JAK1: variants seen among roughly 807,000 people sequenced by gnomAD.
JAK1 encodes Janus kinase 1, also known as tyrosine-protein kinase JAK1.
JAK1 carries 16 observed loss-of-function variants against 136.6 expected under a neutral mutation model. The ratio of observed to expected loss-of-function variants is 0.12; its 90% CI spans 0.08 to 0.18. The LOEUF (loss-of-function observed/expected upper bound fraction) is 0.18, where lower values mean the gene tolerates loss of function less well. Ranked by LOEUF, JAK1 falls within the 10% of genes least tolerant of loss-of-function variation. JAK1 has a pLI of 1.00. For synonymous variants in JAK1, 492 were observed against 519.5 expected (o/e 0.95, Z 0.72); for missense variants, 859 against 1,450.1 (o/e 0.59, Z 6.62).
At chr1:65,062,829 C>CTTGA (rs142350431) in intron 1 of JAK1, among the ~76,000 whole-genome samples, 2 of 152,178 alleles carry the variant, frequency 1.3e-5, no homozygotes, top group Non-Finnish European at 2.9e-5. Flanking sequence ...TCAACAGATA[C>CTTGA]TTGATTGATT....
At chr1:65,022,285 G>A (rs562100079) in intron 2 of JAK1, among the ~76,000 whole-genome samples, 1 of 152,240 alleles carries the variant, frequency 6.6e-6, no homozygotes, top group East Asian at 1.9e-4. Context: ...TCTCTCAAAG[G>A]AGCCCACATT....
intron 20 of JAK1, among the ~76,000 whole-genome samples, chr1:64,839,038 C>A (rs372421648): frequency 6.8e-6 from 1 of 147,024 alleles, no homozygotes; most frequent in African/African-American, 2.5e-5. Context: ...CCCAGCTACT[C>A]GGGAGGCTGA....
chr1:64,999,825 A>T (rs1388164461), intron 2 of JAK1, among the ~76,000 whole-genome samples: 1 of 151,644 alleles, frequency 6.6e-6, no homozygotes, highest in East Asian at 1.9e-4. Flanking sequence ...CTCTAACAGT[A>T]TCTACGGCAC....
At chr1:64,840,453 A>G (rs1218931952) in intron 19 of JAK1, among the ~76,000 whole-genome samples, 1 of 152,188 alleles carries the variant, frequency 6.6e-6, no homozygotes, top group Non-Finnish European at 1.5e-5. Flanking sequence ...CTCTAGTCAC[A>G]ATTAACTGTT....
In JAK1 at chr1:64,869,397, G is replaced by A. The variant is rs777770696; in HGVS notation, c.561C>T (p.Asn187=). 9.7e-5 allele frequency: 156 copies of A among 1,613,650 alleles called. 1 individual carries two copies. Among genetic ancestry groups the A allele is most frequent in the Non-Finnish European group, 1.2e-4 (140 of 1,179,732 alleles). Residue 187 remains asparagine, a synonymous_variant, in exon 6 of 25, where the codon AAC becomes AAT. Coordinates refer to ENST00000342505, the MANE Select transcript of JAK1 (RefSeq NM_002227.4). ...CCAGGACAGCCATCCCTAGACACTC[G>A]TTCTCAATATCATGTCCATCCTGCT... The part of the protein sequence containing the change: ...KTEQDGHDIE[N]ECLGMAVLAI...
chr1:64,857,399 C>T (rs911041935), intron 10 of JAK1, among the ~76,000 whole-genome samples: 2 of 152,170 alleles, frequency 1.3e-5, no homozygotes, highest in African/African-American at 2.4e-5. Flanking sequence ...TCTTCCAGAG[C>T]CATGGTGGAC....
At chr1:64,860,981 T>TGTG (rs1656294523) in intron 8 of JAK1, among the ~76,000 whole-genome samples, 2 of 130,944 alleles carry the variant, frequency 1.5e-5, no homozygotes, top group African/African-American at 2.9e-5. Context: ...TGTGTGTGTG[T>TGTG]TGGGGGTGAC....
At chr1:65,018,447 A>G (rs1220195328) in intron 2 of JAK1, among the ~76,000 whole-genome samples, 1 of 151,580 alleles carries the variant, frequency 6.6e-6, no homozygotes, top group Non-Finnish European at 1.5e-5. Flanking sequence ...AACTAATGAG[A>G]GACACACATA....
chr1:65,052,609 C>A (rs1055926296), intron 1 of JAK1, among the ~76,000 whole-genome samples: 1 of 151,854 alleles, frequency 6.6e-6, no homozygotes, highest in African/African-American at 2.4e-5. Flanking sequence ...GTCAGGAGAT[C>A]GAGACCATCC....
At chr1:64,971,079 CACTAA>C (rs770696235), upstream of JAK1, among the ~76,000 whole-genome samples, 1 of 152,190 alleles carries the variant, frequency 6.6e-6, no homozygotes. Context: ...TTTTCAACAA[CACTAA>C]ACTAAACTAA....
At chr1:64,876,322 A>G (rs1644666756) in intron 4 of JAK1, 1 of 152,226 alleles carries the variant, frequency 6.6e-6, no homozygotes, top group South Asian at 2.1e-4. Context: ...GCAGAACACA[A>G]TCTTCAATCT....
At chr1:65,051,953 CTGCT>C (rs949831385) in intron 1 of JAK1, among the ~76,000 whole-genome samples, 10 of 152,132 alleles carry the variant, frequency 6.6e-5, no homozygotes, top group East Asian at 1.9e-4. Flanking sequence ...TGTTCCATAC[CTGCT>C]TGCTTATTTG....
intron 1 of JAK1, among the ~76,000 whole-genome samples, chr1:64,901,956 G>A (rs950946322): frequency 1.3e-5 from 2 of 152,104 alleles, no homozygotes; most frequent in Non-Finnish European, 2.9e-5. Context: ...CATTCTTTTT[G>A]TGACCAAATA....
At chr1:64,950,060 G>A (rs952932048) in intron 1 of JAK1, among the ~76,000 whole-genome samples, 3 of 152,116 alleles carry the variant, frequency 2.0e-5, no homozygotes, top group African/African-American at 7.2e-5. Context: ...ATACATTATC[G>A]ATAAAGACTA....
Position 64,948,367 on chromosome 1 carries a change from T to C in JAK1, c.-78+17966A>G, listed in dbSNP as rs1028353066. 4.6e-5 allele frequency among the ~76,000 whole-genome samples: 7 copies of C among 152,236 alleles called. No individual in the cohort carries two copies. The East Asian group carries it at 1.2e-3, about 25-fold the overall frequency. On this transcript the variant is annotated intron_variant, in intron 1 of 24. Transcript: ENST00000342505. ...TCTAAAAAGCTATCATGCTAGGTAT[T>C]AATGTCAAACCAGTTTCATATCTAG...
chr1:65,027,660 A>G (rs745436118), intron 2 of JAK1, among the ~76,000 whole-genome samples: 14 of 152,108 alleles, frequency 9.2e-5, no homozygotes, highest in Non-Finnish European at 2.1e-4. Context: ...GTAAGGAAGG[A>G]TGATTGTGTG....
rs376909270 is a variant in JAK1 at position 64,864,778 on chromosome 1, C to A, written c.1176+9G>T. ...GATCCAGACTTAAGAGCTTCTGGGA[C>A]AAACTTACCATTTTCTTGTTGTCCT... is the stretch of plus-strand genomic sequence containing the variant. On this transcript the variant is annotated intron_variant, in intron 8 of 24. Coordinates refer to ENST00000342505, the MANE Select transcript of JAK1 (RefSeq NM_002227.4). 5.6e-6 allele frequency: 9 copies of A among 1,605,736 alleles called. No homozygotes were observed. The highest frequency in any genetic ancestry group is 1.7e-4 in the Middle Eastern group (1 of 6,042).
chr1:64,970,927 T>C (rs1294542961), upstream of JAK1, among the ~76,000 whole-genome samples: 1 of 152,208 alleles, frequency 6.6e-6, no homozygotes, highest in Non-Finnish European at 1.5e-5. Flanking sequence ...AGAAAATTAA[T>C]AACAACCACC....
At chr1:64,904,445 A>C (rs1645160995) in intron 1 of JAK1, among the ~76,000 whole-genome samples, 1 of 152,228 alleles carries the variant, frequency 6.6e-6, no homozygotes, top group African/African-American at 2.4e-5. Context: ...CACTGGTTAA[A>C]CATAGTTAAA....
Sources: allele counts gnomAD v4.1 joint callset (sites outside exome capture counted in the v4.1 genomes callset), GRCh38; gene constraint gnomAD v4.1.1; transcripts MANE v1.5; gene names NCBI Gene and HGNC (gene_info 2026-07-23, HGNC 2026-07-21).